Variants in PDE3A observed in about 807,000 individuals in gnomAD.
PDE3A encodes the protein cGMP-inhibited 3',5'-cyclic phosphodiesterase 3A.
In PDE3A, 43 loss-of-function variants were observed where a neutral mutation model predicts 98.3. The ratio of observed to expected loss-of-function variants is 0.44; its 90% CI spans 0.34 to 0.56. PDE3A has a LOEUF of 0.56. Ranked by LOEUF, PDE3A falls within the 20% of genes least tolerant of loss-of-function variation. The pLI, the probability that PDE3A is intolerant of heterozygous loss-of-function variation, is 0.01. For synonymous variants in PDE3A, 663 were observed against 567.9 expected (o/e 1.17, Z -2.38); for missense variants, 1,427 against 1,440.7 (o/e 0.99, Z 0.15).
At chr12:20,518,513 A>T (rs1052554368) in intron 1 of PDE3A, among the ~76,000 whole-genome samples, 1 of 152,140 alleles carries the variant, frequency 6.6e-6, no homozygotes, top group Admixed American at 6.5e-5. Context: ...CAAAAGCAAT[A>T]TATATTTTGA....
chr12:20,449,086 T>A (rs1432450302), intron 1 of PDE3A, among the ~76,000 whole-genome samples: 3 of 152,216 alleles, frequency 2.0e-5, no homozygotes, highest in Non-Finnish European at 2.9e-5. Context: ...GCTAAAAAAA[T>A]GTATTGCATA....
At chr12:20,632,856 C>T (rs576849694) in intron 6 of PDE3A, among the ~76,000 whole-genome samples, 13 of 151,626 alleles carry the variant, frequency 8.6e-5, no homozygotes, top group Non-Finnish European at 1.9e-4. Flanking sequence ...AATTCATATA[C>T]TATCATTCTA....
intron 5 of PDE3A, among the ~76,000 whole-genome samples, chr12:20,627,252 T>C (rs1944286443): frequency 1.3e-5 from 2 of 152,256 alleles, no homozygotes; most frequent in South Asian, 4.2e-4. Context: ...GAATCTCTTT[T>C]TCTTATGACA....
At chr12:20,426,862 C>A (rs759362024) in intron 1 of PDE3A, among the ~76,000 whole-genome samples, 3 of 152,120 alleles carry the variant, frequency 2.0e-5, no homozygotes, top group Non-Finnish European at 2.9e-5. Flanking sequence ...CATTCATATC[C>A]TCATTGGGCT....
chr12:20,376,279 G>A (rs1403975434), intron 1 of PDE3A, among the ~76,000 whole-genome samples: 1 of 151,848 alleles, frequency 6.6e-6, no homozygotes, highest in Non-Finnish European at 1.5e-5. Context: ...CTATATGTGT[G>A]AAGATAGCCC....
chr12:20,510,920 T>C (rs144949728), intron 1 of PDE3A, among the ~76,000 whole-genome samples: 10 of 152,174 alleles, frequency 6.6e-5, no homozygotes, highest in African/African-American at 2.2e-4. Context: ...CCATGTGCCA[T>C]GTTCTGTGTT....
intron 1 of PDE3A, among the ~76,000 whole-genome samples, chr12:20,432,369 C>T (rs7489210): frequency 0.18 from 26,832 of 151,934 alleles, 2,680 homozygotes; most frequent in East Asian, 0.33. Context: ...TGAGTAAGTT[C>T]TAAAGATCTG....
chr12:20,602,247 G>C (rs1473728458), intron 2 of PDE3A, among the ~76,000 whole-genome samples: 1 of 152,148 alleles, frequency 6.6e-6, no homozygotes, highest in Non-Finnish European at 1.5e-5. Context: ...TTCTAATTAA[G>C]AGAAAGAGAG....
intron 1 of PDE3A, among the ~76,000 whole-genome samples, chr12:20,380,944 G>T (rs993746823): frequency 1.9e-4 from 29 of 151,940 alleles, no homozygotes; most frequent in African/African-American, 7.0e-4. Flanking sequence ...TTGAGACAAG[G>T]AGCTAACTGT....
intron 15 of PDE3A, among the ~76,000 whole-genome samples, chr12:20,669,887 TAA>T (rs1276521571): frequency 9.2e-5 from 14 of 151,940 alleles, no homozygotes; most frequent in African/African-American, 3.4e-4. Flanking sequence ...ATGCTCCAAT[TAA>T]AAGACACAGA....
chr12:20,453,722 A>G (rs1464188417), intron 1 of PDE3A, among the ~76,000 whole-genome samples: 2 of 152,198 alleles, frequency 1.3e-5, no homozygotes, highest in East Asian at 1.9e-4. Context: ...TGATAATCCC[A>G]TTAGATTTTT....
chr12:20,588,968 G>T (rs1010678553), intron 2 of PDE3A, among the ~76,000 whole-genome samples: 1 of 152,194 alleles, frequency 6.6e-6, no homozygotes, highest in Non-Finnish European at 1.5e-5. Flanking sequence ...TGTCGCCCAG[G>T]CTGGAGTGTA....
intron 4 of PDE3A, among the ~76,000 whole-genome samples, chr12:20,616,984 A>G (rs1944023122): frequency 6.6e-6 from 1 of 151,840 alleles, no homozygotes; most frequent in South Asian, 2.1e-4. Context: ...CTTGAAGAAA[A>G]TAGCTAAGGA....
intron 10 of PDE3A, among the ~76,000 whole-genome samples, chr12:20,644,174 T>C (rs1391226325): frequency 6.6e-6 from 1 of 152,212 alleles, no homozygotes; most frequent in Non-Finnish European, 1.5e-5. Context: ...GACTGCCATT[T>C]TCCTACCATA....
intron 15 of PDE3A, among the ~76,000 whole-genome samples, chr12:20,673,075 T>A (rs1945533553): frequency 1.3e-5 from 2 of 151,344 alleles, no homozygotes. Context: ...AAGACATTTA[T>A]GCAGCCAAAA....
chr12:20,593,454 T>C (rs542568515), intron 2 of PDE3A, among the ~76,000 whole-genome samples: 1 of 152,038 alleles, frequency 6.6e-6, no homozygotes, highest in East Asian at 1.9e-4. Flanking sequence ...GCCAAGTTTG[T>C]GGCAGGAAGA....
chr12:20,449,492 A>G (rs1382075562), intron 1 of PDE3A, among the ~76,000 whole-genome samples: 1 of 152,084 alleles, frequency 6.6e-6, no homozygotes, highest in Admixed American at 6.6e-5. Context: ...ACGACTTTTG[A>G]TTAAGAAAAC....
chr12:20,599,105 A>G (rs904578297), intron 2 of PDE3A, among the ~76,000 whole-genome samples: 1 of 152,234 alleles, frequency 6.6e-6, no homozygotes, highest in Non-Finnish European at 1.5e-5. Context: ...AATAAAAAGC[A>G]GTAACTTCCC....
intron 2 of PDE3A, among the ~76,000 whole-genome samples, chr12:20,565,693 C>T (rs1249802301): frequency 4.0e-5 from 6 of 151,542 alleles, no homozygotes; most frequent in African/African-American, 1.5e-4. Flanking sequence ...TCATATACTA[C>T]CAAAAAAACA....
Sources: gnomAD v4.1 joint callset for allele counts (sites outside exome capture counted in the v4.1 genomes callset) on GRCh38, gnomAD v4.1.1 for gene constraint, MANE v1.5 for transcripts, NCBI Gene and HGNC (gene_info 2026-07-23, HGNC 2026-07-21) for gene names.